Variants in ADAMTS6 observed in about 807,000 individuals in gnomAD.
ADAMTS6 encodes ADAM metallopeptidase with thrombospondin type 1 motif 6.
In ADAMTS6, 23 loss-of-function variants were observed where a neutral mutation model predicts 144.3. That is an observed-to-expected ratio of 0.16 (90% CI 0.11 to 0.23). The LOEUF is 0.23. Among genes scored for constraint, ADAMTS6 ranks in the 10% least tolerant of loss-of-function variants. ADAMTS6 has a pLI of 1.00. For missense variants in ADAMTS6, 999 were observed against 1,379.6 expected, an observed-to-expected ratio of 0.72 and a Z score of 4.37; for synonymous variants, 444 against 457.5, an observed-to-expected ratio of 0.97 and a Z score of 0.38.
chr5:65,365,798 A>G (rs1182187200), intron 7 of ADAMTS6, among the ~76,000 whole-genome samples: 1 of 152,220 alleles, frequency 6.6e-6, no homozygotes, highest in Non-Finnish European at 1.5e-5. Context: ...TAGCTCGAAT[A>G]CAAACTATAA....
At chr5:65,423,246 C>T (rs1303785846) in intron 7 of ADAMTS6, among the ~76,000 whole-genome samples, 2 of 152,108 alleles carry the variant, frequency 1.3e-5, no homozygotes, top group African/African-American at 4.8e-5. Context: ...GGTGGGTGCA[C>T]TAAAATCTCA....
intron 3 of ADAMTS6, among the ~76,000 whole-genome samples, chr5:65,468,907 T>G (rs1038540523): frequency 2.0e-5 from 3 of 152,206 alleles, no homozygotes; most frequent in Non-Finnish European, 4.4e-5. Flanking sequence ...ATTAGATATC[T>G]TTAACCTTTA....
chr5:65,325,401 A>T (rs773289869), intron 9 of ADAMTS6, among the ~76,000 whole-genome samples: 3 of 152,152 alleles, frequency 2.0e-5, no homozygotes, highest in Non-Finnish European at 2.9e-5. Context: ...TCTCCTAACT[A>T]ATCTACAGAG....
intron 24 of ADAMTS6, among the ~76,000 whole-genome samples, chr5:65,156,377 A>AACC (rs778279661): frequency 2.4e-4 from 37 of 152,112 alleles, no homozygotes; most frequent in African/African-American, 8.2e-4. Context: ...ACCAAAAAAA[A>AACC]ACCACCACCA....
intron 14 of ADAMTS6, among the ~76,000 whole-genome samples, chr5:65,244,917 T>G (rs1759500488): frequency 1.3e-5 from 2 of 152,164 alleles, no homozygotes. Flanking sequence ...TTCTTATCTT[T>G]CCAAATTACG....
At chr5:65,460,429 T>C in intron 3 of ADAMTS6, 91 bp from the exon 4 acceptor site, 1 of 1,190,354 alleles carries the variant, frequency 8.4e-7, no homozygotes, top group Non-Finnish European at 1.2e-6. Flanking sequence ...AAATGGACAC[T>C]TCTCCATTTA....
chr5:65,352,517 TA>T (rs889633873), intron 7 of ADAMTS6, among the ~76,000 whole-genome samples: 6 of 151,462 alleles, frequency 4.0e-5, no homozygotes, highest in South Asian at 2.1e-4. Context: ...AATACTTCGG[TA>T]AAAAAAAATT....
chr5:65,367,171 C>T (rs1445846513), intron 7 of ADAMTS6, among the ~76,000 whole-genome samples: 1 of 152,154 alleles, frequency 6.6e-6, no homozygotes, highest in Non-Finnish European at 1.5e-5. Context: ...CACTATTCCT[C>T]TTTAGTATTC....
intron 7 of ADAMTS6, among the ~76,000 whole-genome samples, chr5:65,366,989 G>A (rs1202273718): frequency 1.3e-5 from 2 of 152,170 alleles, no homozygotes; most frequent in Admixed American, 1.3e-4. Context: ...GATGCGGGGG[G>A]TGGGGAGACT....
At chr5:65,227,209 TTTTG>T (rs1757791974) in intron 15 of ADAMTS6, among the ~76,000 whole-genome samples, 1 of 152,184 alleles carries the variant, frequency 6.6e-6, no homozygotes, top group South Asian at 2.1e-4. Flanking sequence ...AAAACACTAA[TTTTG>T]TTTGTGAATA....
At chr5:65,439,226 G>A (rs1757688003) in intron 7 of ADAMTS6, among the ~76,000 whole-genome samples, 1 of 152,076 alleles carries the variant, frequency 6.6e-6, no homozygotes, top group African/African-American at 2.4e-5. Context: ...AGAATAACGA[G>A]AGTTAGAATA....
At chr5:65,435,728 C>T (rs778261570) in intron 7 of ADAMTS6, among the ~76,000 whole-genome samples, 18 of 151,912 alleles carry the variant, frequency 1.2e-4, no homozygotes, top group Admixed American at 2.6e-4. Context: ...TGGGTTCGAG[C>T]GATTCTTCTG....
At chr5:65,202,687 C>A (rs917050907) in intron 20 of ADAMTS6, among the ~76,000 whole-genome samples, 5 of 152,136 alleles carry the variant, frequency 3.3e-5, no homozygotes, top group African/African-American at 1.2e-4. Flanking sequence ...TTTTCCTGAT[C>A]CTCACTGATC....
chr5:65,164,038 C>T lies in ADAMTS6; in HGVS notation c.3244+6579G>A, dbSNP rs532309759. Among the ~76,000 whole-genome samples the T allele has an allele frequency of 2.6e-5, 4 of 152,228 alleles. No individual in the cohort carries two copies. In the East Asian group the frequency reaches 7.7e-4, roughly 29 times the overall value. ...ACAGAGGGGGAGGAGCCAAGATGGC[C>T]GAATAGGAACAGCTCTGGTCAACAG... On this transcript the variant is annotated intron_variant, in intron 24 of 24. Coordinates refer to ENST00000381055, the MANE Select transcript of ADAMTS6 (RefSeq NM_197941.4).
intron 4 of ADAMTS6, among the ~76,000 whole-genome samples, chr5:65,453,324 T>A (rs1758905000): frequency 6.6e-6 from 1 of 151,806 alleles, no homozygotes; most frequent in East Asian, 1.9e-4. Context: ...TAGCCCTGAT[T>A]TTGCAAAAAT....
At chr5:65,355,854 A>G (rs953805472) in intron 7 of ADAMTS6, among the ~76,000 whole-genome samples, 4 of 151,852 alleles carry the variant, frequency 2.6e-5, no homozygotes, top group Non-Finnish European at 5.9e-5. Flanking sequence ...CTTCAGGCAT[A>G]AGATTATTTC....
rs1035325703 is a variant in ADAMTS6, at chr5:65,452,128, C to G, written c.927+5G>C. 1 of 1,605,766 alleles carries G rather than the reference C, an allele frequency of 6.2e-7. No individual in the cohort carries two copies. The highest frequency in any genetic ancestry group is 8.5e-7 in the Non-Finnish European group (1 of 1,175,142). Reference sequence around the variant, plus strand: ...TCTTAGATATATAAACTAACTCATTCTTACCTGATCTTCTGTGAGAACAAT... The same window carrying G: ...TCTTAGATATATAAACTAACTCATTGTTACCTGATCTTCTGTGAGAACAAT... On this transcript the variant is annotated splice_donor_5th_base_variant and intron_variant, in intron 6 of 24. Coordinates refer to ENST00000381055, the MANE Select transcript of ADAMTS6 (RefSeq NM_197941.4).
intron 4 of ADAMTS6, among the ~76,000 whole-genome samples, chr5:65,458,515 G>A (rs933073897): frequency 4.6e-5 from 7 of 152,154 alleles, no homozygotes; most frequent in East Asian, 3.9e-4. Flanking sequence ...GGGTTTAAGC[G>A]ATTCTTCTGC....
chr5:65,424,406 T>C (rs1464662253), intron 7 of ADAMTS6, among the ~76,000 whole-genome samples: 1 of 152,216 alleles, frequency 6.6e-6, no homozygotes, highest in Non-Finnish European at 1.5e-5. Context: ...TGTTTGTAAA[T>C]TGGGACTTTA....
Sources: gnomAD v4.1 joint callset for allele counts (sites outside exome capture counted in the v4.1 genomes callset) on GRCh38, gnomAD v4.1.1 for gene constraint, MANE v1.5 for transcripts, NCBI Gene and HGNC (gene_info 2026-07-23, HGNC 2026-07-21) for gene names.